GLRB: variants seen among roughly 807,000 people sequenced by gnomAD.
GLRB encodes the protein glycine receptor beta.
In GLRB, 33 loss-of-function variants were observed where a neutral mutation model predicts 54.2. That is an observed-to-expected ratio of 0.61 (90% CI 0.46 to 0.81). The LOEUF (loss-of-function observed/expected upper bound fraction) is 0.81, where lower values mean the gene tolerates loss of function less well. GLRB is among the 40% of genes least tolerant of loss of function. The pLI is 0.00. For missense variants in GLRB, 572 were observed against 584.6 expected (o/e 0.98, Z 0.22); for synonymous variants, 209 against 208.2 (o/e 1.00, Z -0.03).
At chr4:157,166,422 A>G (rs1737710260) in intron 9 of GLRB, among the ~76,000 whole-genome samples, 1 of 152,014 alleles carries the variant, frequency 6.6e-6, no homozygotes, top group Non-Finnish European at 1.5e-5. Flanking sequence ...ACTTTCATGT[A>G]TATATTTGAT....
intron 2 of GLRB, among the ~76,000 whole-genome samples, chr4:157,113,575 T>C (rs11946166): frequency 0.046 from 7,054 of 152,082 alleles, 264 homozygotes; most frequent in East Asian, 0.1. Flanking sequence ...AAAAATCTAG[T>C]ATCTCTCCAG....
At chr4:157,126,559 G>T in intron 4 of GLRB, among the ~76,000 whole-genome samples, 1 of 151,852 alleles carries the variant, frequency 6.6e-6, no homozygotes, top group East Asian at 1.9e-4. Flanking sequence ...CCAATTTGAA[G>T]TTGCTGGAAC....
intron 9 of GLRB, among the ~76,000 whole-genome samples, chr4:157,164,720 G>C (rs1349297286): frequency 6.6e-6 from 1 of 152,116 alleles, no homozygotes; most frequent in South Asian, 2.1e-4. Flanking sequence ...TCAAGTAGGG[G>C]TACTGATAGA....
intron 2 of GLRB, among the ~76,000 whole-genome samples, chr4:157,095,992 G>A (rs1579193540): frequency 6.6e-6 from 1 of 152,304 alleles, no homozygotes; most frequent in African/African-American, 2.4e-5. Context: ...GTGGGTAGTG[G>A]AAGCCCACAG....
chr4:157,137,148 T>C (rs1410163213), intron 6 of GLRB, among the ~76,000 whole-genome samples: 10 of 152,132 alleles, frequency 6.6e-5, no homozygotes, highest in Non-Finnish European at 1.3e-4. Flanking sequence ...TTGCCATTGT[T>C]ATTTGAGTTG....
intron 2 of GLRB, among the ~76,000 whole-genome samples, chr4:157,117,456 A>G (rs1248078082): frequency 2.0e-5 from 3 of 151,694 alleles, no homozygotes; most frequent in African/African-American, 4.8e-5. Context: ...TCACGTGAAC[A>G]TGACTATCAA....
At chr4:157,098,863 C>T (rs892216495) in intron 2 of GLRB, among the ~76,000 whole-genome samples, 2 of 152,134 alleles carry the variant, frequency 1.3e-5, no homozygotes, top group Admixed American at 6.5e-5. Context: ...CTGCCTTGGC[C>T]TCCCAAAGTG....
Position 157,110,291 on chromosome 4 carries a change from T to A in GLRB, c.123-10265T>A, listed in dbSNP as rs539434062. Among the ~76,000 whole-genome samples the A allele has an allele frequency of 2.2e-3, 334 of 152,090 alleles. 1 individual carries two copies. Among genetic ancestry groups the A allele is most frequent in the African/African-American group, 7.7e-3 (319 of 41,526 alleles). On this transcript the variant is annotated intron_variant, in intron 2 of 9. Transcript: ENST00000264428. ...GATCAAATATATATATATCTTATTA[T>A]AAGTTACATTATCACAGTGTCTTAT...
chr4:157,129,954 A>T (rs1320602110), intron 4 of GLRB, among the ~76,000 whole-genome samples: 1 of 151,702 alleles, frequency 6.6e-6, no homozygotes, highest in Non-Finnish European at 1.5e-5. Flanking sequence ...TTTTGAAGCA[A>T]AAAAGCATAT....
At chr4:157,151,372 C>G (rs976886598) in intron 8 of GLRB, among the ~76,000 whole-genome samples, 5 of 151,964 alleles carry the variant, frequency 3.3e-5, no homozygotes, top group Non-Finnish European at 7.4e-5. Flanking sequence ...ATGTTACTTT[C>G]CACTTTTGAC....
intron 3 of GLRB, among the ~76,000 whole-genome samples, chr4:157,120,959 A>T (rs1735795505): frequency 6.6e-6 from 1 of 151,708 alleles, no homozygotes; most frequent in East Asian, 1.9e-4. Flanking sequence ...TACTATTCTT[A>T]ACCTTAGTGG....
intron 4 of GLRB, among the ~76,000 whole-genome samples, chr4:157,132,535 C>T (rs1736254770): frequency 6.6e-6 from 1 of 151,800 alleles, no homozygotes; most frequent in Non-Finnish European, 1.5e-5. Context: ...GCTTTAAGTT[C>T]TACAGCCTTT....
At chr4:157,112,493 A>C (rs769880230) in intron 2 of GLRB, among the ~76,000 whole-genome samples, 15 of 152,016 alleles carry the variant, frequency 9.9e-5, no homozygotes, top group Non-Finnish European at 1.8e-4. Flanking sequence ...CTCCTTAAGG[A>C]AACTTAGTAT....
intron 9 of GLRB, among the ~76,000 whole-genome samples, chr4:157,167,310 C>A (rs908263996): frequency 6.6e-6 from 1 of 152,128 alleles, no homozygotes; most frequent in Non-Finnish European, 1.5e-5. Context: ...ACTTCTATTC[C>A]AATCAAGATA....
At chr4:157,084,583 G>A (rs1008570082) in intron 2 of GLRB, 1 of 455,766 alleles carries the variant, frequency 2.2e-6, no homozygotes. Context: ...TGATTTCTTT[G>A]TTAGTTTTTT....
At chr4:157,143,589 A>G (rs1472419584) in intron 7 of GLRB, among the ~76,000 whole-genome samples, 1 of 152,198 alleles carries the variant, frequency 6.6e-6, no homozygotes, top group Non-Finnish European at 1.5e-5. Flanking sequence ...TCTCAATGTC[A>G]TAATGAAGTT....
intron 7 of GLRB, among the ~76,000 whole-genome samples, chr4:157,141,118 T>C (rs895976793): frequency 6.6e-6 from 1 of 151,864 alleles, no homozygotes; most frequent in Non-Finnish European, 1.5e-5. Context: ...CTATGGTATT[T>C]GGGTATGGAA....
At chr4:157,137,712 T>TTTTGCACATGTATGTGTTTATATG (rs1736456137) in intron 6 of GLRB, among the ~76,000 whole-genome samples, 2 of 152,134 alleles carry the variant, frequency 1.3e-5, no homozygotes, top group African/African-American at 4.8e-5. Flanking sequence ...TAAAATGAGA[T>TTTTGCACATGTATGTGTTTATATG]TTTGCACATG....
intron 4 of GLRB, among the ~76,000 whole-genome samples, chr4:157,131,321 C>T (rs565986237): frequency 4.4e-4 from 67 of 151,656 alleles, no homozygotes; most frequent in South Asian, 1.2e-3. Flanking sequence ...AGAGTAGACT[C>T]GATGTAGACA....
Sources: allele counts gnomAD v4.1 joint callset (sites outside exome capture counted in the v4.1 genomes callset), GRCh38; gene constraint gnomAD v4.1.1; transcripts MANE v1.5; gene names NCBI Gene and HGNC (gene_info 2026-07-23, HGNC 2026-07-21).